Variants in WDFY3 observed in about 807,000 individuals in gnomAD.
WDFY3 encodes WD repeat and FYVE domain containing 3.
In WDFY3, 66 loss-of-function variants were observed where a neutral mutation model predicts 409.6. The ratio of observed to expected loss-of-function variants is 0.16; its 90% CI spans 0.13 to 0.20. The LOEUF (loss-of-function observed/expected upper bound fraction) is 0.20. WDFY3 is among the 10% of genes least tolerant of loss of function. The pLI is 1.00. For missense variants in WDFY3, 3,031 were observed against 4,298.1 expected (o/e 0.71, Z 8.24); for synonymous variants, 1,521 against 1,537.1 (o/e 0.99, Z 0.25).
At chr4:84,923,135 T>C (rs1012940167) in intron 2 of WDFY3, among the ~76,000 whole-genome samples, 3 of 152,166 alleles carry the variant, frequency 2.0e-5, no homozygotes, top group South Asian at 2.1e-4. Context: ...TTCTGGCATA[T>C]TGACTATTTA....
intron 5 of WDFY3, chr4:84,844,438 T>A (rs1327187120): frequency 7.8e-7 from 1 of 1,288,618 alleles, no homozygotes. Context: ...TATAACCACA[T>A]CTTGGGAATG....
intron 1 of WDFY3, among the ~76,000 whole-genome samples, chr4:84,953,257 A>G (rs1417568879): frequency 6.6e-6 from 1 of 152,064 alleles, no homozygotes; most frequent in Non-Finnish European, 1.5e-5. Flanking sequence ...ATTCACAGAG[A>G]CAGAGAATAA....
chr4:84,933,658 T>C (rs1427813518), intron 1 of WDFY3, among the ~76,000 whole-genome samples: 1 of 152,022 alleles, frequency 6.6e-6, no homozygotes. Context: ...CCATTAACTA[T>C]CCCCGCTCTT....
chr4:84,690,773 G>A, intron 60 of WDFY3, 109 bp from the exon 61 acceptor site: 1 of 1,330,306 alleles, frequency 7.5e-7, no homozygotes, highest in Non-Finnish European at 1.0e-6. Context: ...CCAGCAAATA[G>A]CGGCTCATGT....
In WDFY3 at chr4:84,739,067, T is replaced by A; in HGVS notation, c.6517A>T (p.Ile2173Phe). The A allele has an allele frequency of 6.2e-7, 1 of 1,614,214 alleles. No homozygotes were observed. The highest frequency in any genetic ancestry group is 8.5e-7 in the Non-Finnish European group (1 of 1,180,006). The change falls in exon 40 of 68, where the codon ATT becomes TTT. Residue 2173 changes from isoleucine to phenylalanine, a missense_variant. Physicochemically the swap from Ile to Phe is conservative, Grantham distance 21 (BLOSUM62 0). Around this residue, in one of 16 missense-constraint regions of WDFY3, gnomAD observed 314 missense variants for 397.4 expected, o/e 0.79. Transcript: ENST00000295888. ...EAEARMTTWH[I>F]MIPSDIEPDG... ...GGTTCAATGTCCGAGGGGATCATAA[T>A]GTGCCATGTGGTCATGCGGGCTTCT...
chr4:84,936,429 G>C (rs1771419643), intron 1 of WDFY3, among the ~76,000 whole-genome samples: 1 of 152,044 alleles, frequency 6.6e-6, no homozygotes, highest in Admixed American at 6.6e-5. Context: ...TCTGAGGCAG[G>C]AGGATCACTT....
At position 84,787,771 on chromosome 4, in the gene WDFY3, C is replaced by T. The variant is rs1578518005; in HGVS notation, c.3670-58G>A. 7 of 1,404,186 alleles carry T rather than the reference C, an allele frequency of 5.0e-6. No homozygotes were observed. In the East Asian group the frequency reaches 1.7e-4, roughly 34 times the overall value. The allele number at this position is 1,404,186 out of a possible 1,614,324, so 87.0% of individuals were successfully genotyped here. A position where few individuals can be genotyped will look rare whatever the true frequency, so the allele number is the denominator to read the frequency against. On this transcript the variant is annotated intron_variant, in intron 22 of 67. Coordinates refer to ENST00000295888, the MANE Select transcript of WDFY3 (RefSeq NM_014991.6). ...GTGAACACTTTCCCCAGGAAAATAA[C>T]TACTTCAGCATATGTATTTTCATTA...
At chr4:84,789,695 C>T in intron 22 of WDFY3, 31 bp downstream of exon 22, 1 of 1,598,730 alleles carries the variant, frequency 6.3e-7, no homozygotes, top group Non-Finnish European at 8.6e-7. Context: ...CCTTATAAAA[C>T]AGGTAGATTT....
intron 2 of WDFY3, among the ~76,000 whole-genome samples, chr4:84,929,265 T>C (rs1320481538): frequency 2.0e-5 from 3 of 152,044 alleles, no homozygotes; most frequent in South Asian, 2.1e-4. Context: ...CATCATTGAA[T>C]TGGAAGCAGA....
At chr4:84,938,198 T>C (rs903437932) in intron 1 of WDFY3, among the ~76,000 whole-genome samples, 2 of 152,136 alleles carry the variant, frequency 1.3e-5, no homozygotes, top group African/African-American at 4.8e-5. Flanking sequence ...GGCATCCAAT[T>C]AACATTTTTT....
chr4:84,806,885 C>G (rs1040613700), intron 15 of WDFY3, among the ~76,000 whole-genome samples: 4 of 152,104 alleles, frequency 2.6e-5, no homozygotes, highest in African/African-American at 9.7e-5. Context: ...GCTAGGATTA[C>G]AGGTGCGAGC....
At chr4:84,958,081 G>A (rs145621687) in intron 1 of WDFY3, among the ~76,000 whole-genome samples, 1 of 152,218 alleles carries the variant, frequency 6.6e-6, no homozygotes, top group African/African-American at 2.4e-5. Flanking sequence ...GGCATTTCTT[G>A]CGCATAAGAT....
At chr4:84,961,043 T>C (rs1426146162) in intron 1 of WDFY3, among the ~76,000 whole-genome samples, 1 of 151,878 alleles carries the variant, frequency 6.6e-6, no homozygotes, top group Non-Finnish European at 1.5e-5. Flanking sequence ...GGTGAAACCC[T>C]GTCTCTACTA....
intron 2 of WDFY3, among the ~76,000 whole-genome samples, chr4:84,919,984 T>C (rs1400635263): frequency 6.6e-6 from 1 of 152,144 alleles, no homozygotes; most frequent in African/African-American, 2.4e-5. Flanking sequence ...TATGTAATAT[T>C]CCATCCAGGA....
chr4:84,778,754 C>A, intron 26 of WDFY3, 99 bp from the exon 27 acceptor site: 1 of 1,068,924 alleles, frequency 9.4e-7, no homozygotes, highest in Non-Finnish European at 1.3e-6. Context: ...CACACATACA[C>A]ACACAAACAC....
At chr4:84,912,676 T>TA (rs754815684) in intron 2 of WDFY3, among the ~76,000 whole-genome samples, 6 of 151,584 alleles carry the variant, frequency 4.0e-5, no homozygotes, top group East Asian at 1.9e-4. Context: ...TCCCAGACAT[T>TA]AAAAAAAATC....
chr4:84,716,166 G>A (rs919826137), intron 49 of WDFY3, among the ~76,000 whole-genome samples: 4 of 152,036 alleles, frequency 2.6e-5, no homozygotes, highest in Non-Finnish European at 4.4e-5. Flanking sequence ...GGCCAGCCAC[G>A]GTGGCTCACG....
Position 84,829,203 on chromosome 4 carries a change from A to G in WDFY3, c.770-13T>C. The G allele has an allele frequency of 6.6e-7, 1 of 1,518,560 alleles. No individual in the cohort carries two copies. The highest frequency in any genetic ancestry group is 1.4e-5 in the African/African-American group (1 of 71,772). 94.1% of individuals were successfully genotyped at this position (1,518,560 alleles called of 1,614,324 possible). A position where few individuals can be genotyped will look rare whatever the true frequency, so the allele number is the denominator to read the frequency against. Reference sequence around the variant, plus strand: ...AAACACTCTTTCTCTGTAAGAATAGATAATTAAATAAATATGCATTATTCC... The same window carrying G: ...AAACACTCTTTCTCTGTAAGAATAGGTAATTAAATAAATATGCATTATTCC... On this transcript the variant is annotated splice_polypyrimidine_tract_variant and intron_variant, in intron 8 of 67. Transcript: ENST00000295888.
At chr4:84,933,889 T>C (rs1221938794) in intron 1 of WDFY3, among the ~76,000 whole-genome samples, 1 of 152,162 alleles carries the variant, frequency 6.6e-6, no homozygotes, top group African/African-American at 2.4e-5. Context: ...AGTATTCCAA[T>C]GTGTATATAC....
Sources: allele counts gnomAD v4.1 joint callset (sites outside exome capture counted in the v4.1 genomes callset), GRCh38; gene constraint gnomAD v4.1.1; regional missense constraint gnomAD v4.1.1; transcripts MANE v1.5; gene names NCBI Gene and HGNC (gene_info 2026-07-23, HGNC 2026-07-21).